TTC23: variants seen among roughly 807,000 people sequenced by gnomAD.
TTC23 encodes tetratricopeptide repeat domain 23, also known as tetratricopeptide repeat protein 23.
In TTC23, 58 loss-of-function variants were observed where a neutral mutation model predicts 55.1. That is an observed-to-expected ratio of 1.05 (90% CI 0.85 to 1.31). The LOEUF (loss-of-function observed/expected upper bound fraction) is 1.31, where lower values mean the gene tolerates loss of function less well. TTC23 is among the 50% of genes most tolerant of loss of function. The pLI is 0.00. For synonymous variants in TTC23, 203 were observed against 199.9 expected (o/e 1.02, Z -0.13); for missense variants, 516 against 534.4 (o/e 0.97, Z 0.34).
rs577108979 is a variant in TTC23 at position 99,139,527 on chromosome 15, C to T, written c.1144-128G>A. ...CCTGCTGTGATGGAATTAGCATGCT[C>T]CTGGGATGTCTCCTAGTGACTGACC... On this transcript the variant is annotated intron_variant, in intron 12 of 13. Coordinates refer to ENST00000394132, the MANE Select transcript of TTC23 (RefSeq NM_001288615.3). The T allele has an allele frequency of 4.3e-5, 67 of 1,551,334 alleles. No individual in the cohort carries two copies. The South Asian group carries it at 6.9e-4, about 16-fold the overall frequency.
At chr15:99,234,505 G>A (rs147228520) in intron 4 of TTC23, among the ~76,000 whole-genome samples, 351 of 152,162 alleles carry the variant, frequency 2.3e-3, no homozygotes, top group African/African-American at 7.7e-3. Flanking sequence ...TGAGCAGCTG[G>A]GACTACAGGT....
At chr15:99,232,024 T>G (rs995965610) in intron 4 of TTC23, among the ~76,000 whole-genome samples, 1 of 147,506 alleles carries the variant, frequency 6.8e-6, no homozygotes, top group African/African-American at 2.5e-5. Context: ...ACTCCTGATC[T>G]CAGGTGATCC....
chr15:99,177,293 A>C lies in TTC23; in HGVS notation c.760-2138T>G, dbSNP rs537729762. Among the ~76,000 whole-genome samples the C allele has an allele frequency of 2.6e-5, 4 of 152,374 alleles. No individual in the cohort carries two copies. The East Asian group carries it at 7.7e-4, about 29-fold the overall frequency. On this transcript the variant is annotated intron_variant, in intron 9 of 13. Coordinates refer to ENST00000394132, the MANE Select transcript of TTC23 (RefSeq NM_001288615.3). The stretch of plus-strand genomic sequence containing the variant: ...AAGTGCCAACAATATCCTTTGCTTT[A>C]AAATGACTTTTCTTATTACAGAATA...
intron 1 of TTC23, among the ~76,000 whole-genome samples, 162 bp downstream of exon 1, chr15:99,249,005 TTATC>T (rs1479282987): frequency 2.0e-5 from 3 of 152,164 alleles, no homozygotes; most frequent in Non-Finnish European, 4.4e-5. Flanking sequence ...AATAGATATA[TTATC>T]TATTATGCCA....
At chr15:99,154,723 T>G (rs1431478458) in intron 12 of TTC23, among the ~76,000 whole-genome samples, 1 of 152,260 alleles carries the variant, frequency 6.6e-6, no homozygotes, top group Non-Finnish European at 1.5e-5. Flanking sequence ...TCTCCACTGA[T>G]GCTGAAAAAG....
intron 3 of TTC23, among the ~76,000 whole-genome samples, chr15:99,237,885 C>T (rs1419090627): frequency 1.3e-5 from 2 of 152,096 alleles, no homozygotes; most frequent in African/African-American, 4.8e-5. Context: ...CTCCCCATTC[C>T]TCCTCTTCAA....
chr15:99,165,214 G>A (rs1344480364), intron 10 of TTC23, among the ~76,000 whole-genome samples: 2 of 152,166 alleles, frequency 1.3e-5, no homozygotes, highest in African/African-American at 2.4e-5. Flanking sequence ...GGACAGAAAT[G>A]GACATTGAGA....
At chr15:99,210,687 T>G (rs1171792125) in intron 8 of TTC23, among the ~76,000 whole-genome samples, 2 of 152,178 alleles carry the variant, frequency 1.3e-5, no homozygotes, top group African/African-American at 2.4e-5. Flanking sequence ...TGGTAAGAAC[T>G]AAAAATTTTT....
intron 4 of TTC23, among the ~76,000 whole-genome samples, chr15:99,230,483 A>G (rs926335867): frequency 2.6e-5 from 4 of 152,164 alleles, no homozygotes; most frequent in Non-Finnish European, 4.4e-5. Context: ...AAAAAGCATA[A>G]AGCCAGAGAT....
chr15:99,204,737 A>G (rs12101465), intron 8 of TTC23, among the ~76,000 whole-genome samples: 106,703 of 149,188 alleles, frequency 0.72, 39,091 homozygotes, highest in African/African-American at 0.87. Flanking sequence ...CTGGGCTCAA[A>G]TGATTCTCCC....
chr15:99,243,818 G>A (rs145329168), intron 2 of TTC23, among the ~76,000 whole-genome samples: 107 of 152,272 alleles, frequency 7.0e-4, no homozygotes, highest in Non-Finnish European at 1.4e-3. Context: ...ATTACCAGAA[G>A]CTGGGAAGGG....
chr15:99,199,794 G>A (rs1013401390), intron 9 of TTC23, 125 bp downstream of exon 9: 12 of 946,564 alleles, frequency 1.3e-5, no homozygotes, highest in African/African-American at 6.7e-5. Flanking sequence ...TCTACTCTAG[G>A]CCAACTGTTG....
chr15:99,237,553 G>A (rs768232777), intron 3 of TTC23, among the ~76,000 whole-genome samples: 1 of 152,164 alleles, frequency 6.6e-6, no homozygotes, highest in Non-Finnish European at 1.5e-5. Flanking sequence ...TACATATCAC[G>A]TGATTCCATT....
chr15:99,229,821 T>C (rs942625521), intron 4 of TTC23, among the ~76,000 whole-genome samples: 7 of 152,228 alleles, frequency 4.6e-5, no homozygotes, highest in Admixed American at 4.6e-4. Flanking sequence ...GTTAGAGTAC[T>C]CAGAAGCCTT....
At chr15:99,200,687 A>G (rs988830448) in intron 8 of TTC23, among the ~76,000 whole-genome samples, 1 of 152,222 alleles carries the variant, frequency 6.6e-6, no homozygotes, top group Non-Finnish European at 1.5e-5. Flanking sequence ...ACACACGCAC[A>G]TACACACATA....
At chr15:99,243,064 C>T (rs1024438143) in intron 2 of TTC23, among the ~76,000 whole-genome samples, 1 of 152,062 alleles carries the variant, frequency 6.6e-6, no homozygotes, top group African/African-American at 2.4e-5. Context: ...GAAGAGACAA[C>T]CCACAGAATG....
At chr15:99,156,395 A>C (rs2070574567) in intron 11 of TTC23, 98 bp from the exon 12 acceptor site, 18 of 1,426,978 alleles carry the variant, frequency 1.3e-5, no homozygotes, top group Non-Finnish European at 1.5e-5. Flanking sequence ...TGGTAGTCTC[A>C]CGAGCTGAGC....
At chr15:99,215,886 G>T (rs1201809762) in intron 8 of TTC23, among the ~76,000 whole-genome samples, 2 of 152,208 alleles carry the variant, frequency 1.3e-5, no homozygotes, top group African/African-American at 4.8e-5. Context: ...AGAACAAAAA[G>T]TTGGCAGGAG....
intron 8 of TTC23, among the ~76,000 whole-genome samples, chr15:99,217,715 C>G (rs2077584905): frequency 6.6e-6 from 1 of 152,190 alleles, no homozygotes; most frequent in Non-Finnish European, 1.5e-5. Context: ...ATTGTGATCA[C>G]AAAAGAAGAT....
Sources: gnomAD v4.1 joint callset for allele counts (sites outside exome capture counted in the v4.1 genomes callset) on GRCh38, gnomAD v4.1.1 for gene constraint, MANE v1.5 for transcripts, NCBI Gene and HGNC (gene_info 2026-07-23, HGNC 2026-07-21) for gene names.